STAT5A: variants seen among roughly 807,000 people sequenced by gnomAD.
STAT5A encodes signal transducer and activator of transcription 5A.
A neutral mutation model predicts 100.2 loss-of-function variants in STAT5A; 26 were observed. That is an observed-to-expected ratio of 0.26 (90% CI 0.19 to 0.36). The LOEUF (loss-of-function observed/expected upper bound fraction) is 0.36, where lower values mean the gene tolerates loss of function less well. STAT5A is among the 10% of genes least tolerant of loss of function. The probability of loss-of-function intolerance (pLI) is 1.00; values close to 1 mark genes in which losing one functional copy is unlikely to be tolerated. For missense variants in STAT5A, 634 were observed against 1,027.5 expected (o/e 0.62, Z 5.24); for synonymous variants, 330 against 424.3 (o/e 0.78, Z 2.73).
At chr17:42,294,283 G>T (rs2080898525) in intron 4 of STAT5A, among the ~76,000 whole-genome samples, 1 of 151,840 alleles carries the variant, frequency 6.6e-6, no homozygotes, top group South Asian at 2.1e-4. Context: ...CTGTGTCCCT[G>T]ACTTGTTGCC....
chr17:42,306,583 T>A (rs967906628), intron 13 of STAT5A, 136 bp downstream of exon 13: 2 of 1,372,252 alleles, frequency 1.5e-6, no homozygotes, highest in Admixed American at 2.1e-5. Flanking sequence ...CCAGGAGAGA[T>A]GGGGGCCCCT....
chr17:42,290,074 G>T, intron 3 of STAT5A, 52 bp downstream of exon 3: 1 of 1,529,624 alleles, frequency 6.5e-7, no homozygotes, highest in Non-Finnish European at 8.8e-7. Flanking sequence ...TCTTGTTCCA[G>T]CATCAGAACC....
At chr17:42,301,161 C>G in intron 8 of STAT5A, 114 bp from the exon 9 acceptor site, 10 of 1,502,242 alleles carry the variant, frequency 6.7e-6, no homozygotes, top group Non-Finnish European at 8.1e-6. Flanking sequence ...TGTGCCCGAG[C>G]TCATCACCTC....
Position 42,300,636 on chromosome 17 carries a change from A to G in STAT5A, c.834-79A>G, listed in dbSNP as rs1224858173. On this transcript the variant is annotated intron_variant, in intron 7 of 18. Coordinates refer to ENST00000590949, the MANE Select transcript of STAT5A (RefSeq NM_001288718.2). ...CGAAAGCACAGAGCCTTCCTGGGGG[A>G]ACGGGAGCTGTGTCTTGGGGCCTGG... 2.7e-5 allele frequency: 44 copies of G among 1,611,672 alleles called. 2 individuals carry two copies. The South Asian group carries it at 4.6e-4, about 17-fold the overall frequency.
chr17:42,301,591 T>A (rs1463728588), intron 9 of STAT5A, 137 bp downstream of exon 9: 1 of 1,332,540 alleles, frequency 7.5e-7, no homozygotes, highest in Non-Finnish European at 1.0e-6. Context: ...CCTGGACTCA[T>A]GCAGTCTTCC....
At chr17:42,301,512 C>T (rs779607888) in intron 9 of STAT5A, 58 bp downstream of exon 9, 452 of 1,597,460 alleles carry the variant, frequency 2.8e-4, no homozygotes, top group Non-Finnish European at 3.5e-4. Context: ...CTGCACCCCC[C>T]GCTTTGTCCT....
At chr17:42,307,233 C>T (rs546507044) in intron 13 of STAT5A, among the ~76,000 whole-genome samples, 169 bp from the exon 14 acceptor site, 2 of 152,232 alleles carry the variant, frequency 1.3e-5, no homozygotes, top group African/African-American at 4.8e-5. Context: ...TCTCTGTTTT[C>T]CTAGGGTACA....
chr17:42,310,803 C>T lies in STAT5A; in HGVS notation c.*134C>T. On this transcript the variant is annotated 3_prime_UTR_variant, in exon 19 of 19. Transcript: ENST00000590949. ...TTGTGTGTGTGTGTGTGTGTGTGTC[C>T]TTGTGCATGAGCTACGCCTGCCTCC... 5.7e-6 allele frequency: 8 copies of T among 1,397,794 alleles called. No individual in the cohort carries two copies. The highest frequency in any genetic ancestry group is 2.1e-5 in the Admixed American group (1 of 47,426). The allele number at this position is 1,397,794 out of a possible 1,614,324, so 86.6% of individuals were successfully genotyped here. A position where few individuals can be genotyped will look rare whatever the true frequency, so the allele number is the denominator to read the frequency against.
At chr17:42,298,550 C>T (rs2080942677) in intron 5 of STAT5A, among the ~76,000 whole-genome samples, 1 of 149,682 alleles carries the variant, frequency 6.7e-6, no homozygotes, top group East Asian at 2.0e-4. Flanking sequence ...CGGCTCACTG[C>T]AAGCTCCACC....
intron 5 of STAT5A, among the ~76,000 whole-genome samples, chr17:42,298,219 A>G (rs1288336145): frequency 1.3e-5 from 2 of 151,552 alleles, no homozygotes; most frequent in Non-Finnish European, 2.9e-5. Context: ...GCTGGAGTGC[A>G]GTGGTGCTCT....
At position 42,308,705 on chromosome 17, in the gene STAT5A, G is replaced by C. The variant is rs910034965; in HGVS notation, c.2063-342G>C. 45 of 490,804 alleles carry C rather than the reference G, an allele frequency of 9.2e-5. No individual in the cohort carries two copies. The East Asian group carries it at 1.7e-3, about 19-fold the overall frequency. 30.4% of individuals were successfully genotyped at this position (490,804 alleles called of 1,614,324 possible). On this transcript the variant is annotated intron_variant, in intron 16 of 18. Transcript: ENST00000590949. The surrounding 1 kb of genome is among the most constrained non-coding windows in gnomAD (Gnocchi z 4.6). ...GCTCACAAACCTTCCCCCGAGTGGA[G>C]TGCAGGCAGCAAAAGGGAGAAGTCT...
intron 3 of STAT5A, 141 bp from the exon 4 acceptor site, chr17:42,291,831 A>G (rs2080871774): frequency 2.7e-6 from 2 of 733,252 alleles, no homozygotes; most frequent in East Asian, 2.7e-5. Context: ...ACAGAGATAT[A>G]GAGGTGTCTG....
chr17:42,302,566 G>A (rs1473966098), intron 9 of STAT5A, among the ~76,000 whole-genome samples: 1 of 152,192 alleles, frequency 6.6e-6, no homozygotes, highest in Admixed American at 6.5e-5. Context: ...CACCCACAGC[G>A]TATGCAGGGG....
At chr17:42,290,561 AC>A (rs892998440) in intron 3 of STAT5A, among the ~76,000 whole-genome samples, 1 of 152,172 alleles carries the variant, frequency 6.6e-6, no homozygotes, top group African/African-American at 2.4e-5. Context: ...ATTGGAACTC[AC>A]GTATGTTTCC....
rs1030422502 is a variant in STAT5A, at chr17:42,304,182, G to A, written c.1170-160G>A. The A allele has an allele frequency of 9.1e-6, 6 of 660,414 alleles. No homozygotes were observed. The highest frequency in any genetic ancestry group is 2.8e-5 in the Admixed American group (1 of 35,846). 40.9% of individuals were successfully genotyped at this position (660,414 alleles called of 1,614,324 possible). A position where few individuals can be genotyped will look rare whatever the true frequency, so the allele number is the denominator to read the frequency against. The stretch of plus-strand genomic sequence containing the variant: ...TGCTGGGCACCAGGTTGATGGAGAA[G>A]TCAGTAACCCAGAAAGACGCCAAGA... On this transcript the variant is annotated intron_variant, in intron 9 of 18. Coordinates refer to ENST00000590949, the MANE Select transcript of STAT5A (RefSeq NM_001288718.2). The surrounding 1 kb of genome is among the most constrained non-coding windows in gnomAD (Gnocchi z 4.8).
rs143067673 is a variant in STAT5A at position 42,304,398 on chromosome 17, C to T, written c.1226C>T (p.Thr409Met). ...TGCGTGATGGAGTACCACCAAGCCACGGGCACCCTCAGTGCCCACTTCAGG... is the reference window on the plus strand; with the variant it reads ...TGCGTGATGGAGTACCACCAAGCCATGGGCACCCTCAGTGCCCACTTCAGG... ...NCCVMEYHQA[T>M]GTLSAHFRNM... The change falls in exon 10 of 19, where the codon ACG becomes ATG. Residue 409 changes from threonine (T) to methionine (M), a missense_variant. Coordinates refer to ENST00000590949, the MANE Select transcript of STAT5A (RefSeq NM_001288718.2). This position sits in a 1 kb window ranked among gnomAD's most constrained non-coding sequence, Gnocchi z 4.8. The T allele has an allele frequency of 7.9e-5, 127 of 1,614,256 alleles. No homozygotes were observed. In the East Asian group the frequency reaches 1.9e-3, roughly 24 times the overall value.
chr17:42,291,996 G>A lies in STAT5A; in HGVS notation c.310G>A (p.Glu104Lys). The A allele has an allele frequency of 6.2e-7, 1 of 1,614,018 alleles. No individual in the cohort carries two copies. The highest frequency in any genetic ancestry group is 8.5e-7 in the Non-Finnish European group (1 of 1,179,932). ...LQKTYDRCPLELVRCIRHILY... is the reference protein window; with the variant it reads ...LQKTYDRCPLKLVRCIRHILY... The stretch of plus-strand genomic sequence containing the variant: ...GAAAACATATGACCGCTGCCCCCTG[G>A]AGCTGGTCCGCTGCATCCGGCACAT... Residue 104 changes from glutamate to lysine, a missense_variant, in exon 4 of 19, where the codon GAG (glutamate) becomes AAG (lysine). Around this residue, in one of 5 missense-constraint regions of STAT5A, gnomAD observed 207 missense variants for 256.6 expected, o/e 0.81. Transcript: ENST00000590949.
chr17:42,288,466 G>T, upstream of STAT5A: 1 of 152,778 alleles, frequency 6.5e-6, no homozygotes. The surrounding 1 kb of genome is among the most constrained non-coding windows in gnomAD (Gnocchi z 4.8). Context: ...TGACCTTTGA[G>T]GAGGAAATCG....
rs1382475939 is a variant in STAT5A, at chr17:42,300,258, C to T, written c.810C>T (p.Gly270=). Residue 270 remains glycine, a synonymous_variant, in exon 7 of 19, where the codon GGC becomes GGT. Transcript: ENST00000590949. The part of the protein sequence containing the change: ...QLAGNGGPPE[G]SLDVLQSWCE... ...CCGGGAACGGCGGGCCCCCCGAGGG[C>T]AGCCTGGACGTGCTACAGTCCTGGT... is the stretch of plus-strand genomic sequence containing the variant. The T allele has an allele frequency of 3.4e-6, 5 of 1,463,892 alleles. No individual in the cohort carries two copies. Among genetic ancestry groups the T allele is most frequent in the Non-Finnish European group, 4.5e-6 (5 of 1,111,470 alleles). The allele number at this position is 1,463,892 out of a possible 1,614,324, so 90.7% of individuals were successfully genotyped here. A position where few individuals can be genotyped will look rare whatever the true frequency, so the allele number is the denominator to read the frequency against.
Sources: allele counts gnomAD v4.1 joint callset (sites outside exome capture counted in the v4.1 genomes callset), GRCh38; gene constraint gnomAD v4.1.1; regional missense constraint gnomAD v4.1.1; non-coding constraint Gnocchi (gnomAD v3.1); transcripts MANE v1.5; gene names NCBI Gene and HGNC (gene_info 2026-07-23, HGNC 2026-07-21).